ASAP1: variants seen among roughly 807,000 people sequenced by gnomAD.
The protein encoded by ASAP1 is ArfGAP with SH3 domain, ankyrin repeat and PH domain 1, also known as arf-GAP with SH3 domain, ANK repeat and PH domain-containing protein 1.
Under a neutral mutation model 145.2 loss-of-function variants are expected in ASAP1, and 43 were observed. The observed-to-expected ratio is 0.30, with a 90% confidence interval of 0.23 to 0.38. The LOEUF is 0.38. Ranked by LOEUF, ASAP1 falls within the 10% of genes least tolerant of loss-of-function variation. The pLI is 1.00. For missense variants in ASAP1, 1,018 were observed against 1,355.3 expected (o/e 0.75, Z 3.91); for synonymous variants, 546 against 515.5 (o/e 1.06, Z -0.80).
intron 1 of ASAP1, among the ~76,000 whole-genome samples, chr8:130,408,183 G>T (rs6986119): frequency 0.33 from 49,471 of 151,988 alleles, 8,819 homozygotes; most frequent in African/African-American, 0.46. Context: ...ACCCCTTATT[G>T]TTGTTTTATG....
intron 18 of ASAP1, among the ~76,000 whole-genome samples, chr8:130,123,608 A>T (rs1033426865): frequency 6.6e-6 from 1 of 152,162 alleles, no homozygotes; most frequent in Non-Finnish European, 1.5e-5. Context: ...ACAAACAAAC[A>T]AACACTGTAA....
rs949866338 is a variant in ASAP1, at chr8:130,145,933, A to G, written c.1080+6803T>C. On this transcript the variant is annotated intron_variant, in intron 13 of 29. Transcript: ENST00000518721. Reference sequence around the variant, plus strand: ...CTCGGCTCATTGCAACCTCTGCCACATGGGCTTCAGTGATCCTCCTGCCTG... The same window carrying G: ...CTCGGCTCATTGCAACCTCTGCCACGTGGGCTTCAGTGATCCTCCTGCCTG... Among the ~76,000 whole-genome samples, 3 of 149,546 alleles carry G rather than the reference A, an allele frequency of 2.0e-5. No homozygotes were observed. The East Asian group carries it at 5.9e-4, about 29-fold the overall frequency.
At chr8:130,299,276 G>A (rs1165609963) in intron 3 of ASAP1, among the ~76,000 whole-genome samples, 1 of 152,042 alleles carries the variant, frequency 6.6e-6, no homozygotes, top group East Asian at 1.9e-4. Flanking sequence ...GTGGAGCCCA[G>A]GGAAACTGAA....
At chr8:130,272,827 T>G (rs1395930655) in intron 3 of ASAP1, among the ~76,000 whole-genome samples, 1 of 152,088 alleles carries the variant, frequency 6.6e-6, no homozygotes, top group Non-Finnish European at 1.5e-5. Context: ...TGACAGATAC[T>G]AGAGACTGGG....
At chr8:130,095,956 T>C (rs1026930923) in intron 24 of ASAP1, among the ~76,000 whole-genome samples, 10 of 152,110 alleles carry the variant, frequency 6.6e-5, no homozygotes, top group African/African-American at 2.4e-4. Context: ...ATGTTTCACT[T>C]AGGTTGACTG....
chr8:130,301,734 T>G (rs1358101809), intron 3 of ASAP1, among the ~76,000 whole-genome samples: 1 of 152,218 alleles, frequency 6.6e-6, no homozygotes, highest in East Asian at 1.9e-4. Flanking sequence ...CTGTGTTGTT[T>G]TATATCATGC....
chr8:130,357,414 G>C (rs1056383144), intron 3 of ASAP1, among the ~76,000 whole-genome samples: 3 of 152,248 alleles, frequency 2.0e-5, no homozygotes, highest in Admixed American at 2.0e-4. Context: ...GGGAAGCCGG[G>C]TGGAAACCTA....
At chr8:130,323,126 C>T (rs1210979688) in intron 3 of ASAP1, among the ~76,000 whole-genome samples, 3 of 152,178 alleles carry the variant, frequency 2.0e-5, no homozygotes, top group Non-Finnish European at 4.4e-5. Flanking sequence ...TGTTCCTAAA[C>T]AAAAGCAACT....
At chr8:130,147,198 C>CAAAAAAAAAAAAAAAA (rs559149769) in intron 13 of ASAP1, among the ~76,000 whole-genome samples, 1 of 63,338 alleles carries the variant, frequency 1.6e-5, no homozygotes, top group Admixed American at 2.6e-4. Context: ...AATGCAGTCT[C>CAAAAAAAAAAAAAAAA]AAAAAAAAAA....
intron 3 of ASAP1, among the ~76,000 whole-genome samples, chr8:130,326,677 A>T (rs1177027426): frequency 1.3e-5 from 2 of 152,224 alleles, no homozygotes; most frequent in Non-Finnish European, 2.9e-5. Flanking sequence ...AATAAATGTA[A>T]ATGTTCAAGG....
At chr8:130,282,700 T>C (rs1382982135) in intron 3 of ASAP1, among the ~76,000 whole-genome samples, 1 of 152,152 alleles carries the variant, frequency 6.6e-6, no homozygotes, top group East Asian at 1.9e-4. Context: ...TTGGGGAAAA[T>C]ATATTTTTAG....
At chr8:130,342,762 A>G (rs1050869030) in intron 3 of ASAP1, among the ~76,000 whole-genome samples, 3 of 148,922 alleles carry the variant, frequency 2.0e-5, no homozygotes, top group Non-Finnish European at 3.0e-5. Context: ...GAAACAAGTT[A>G]AAGTTGCTTT....
intron 1 of ASAP1, among the ~76,000 whole-genome samples, chr8:130,411,495 TTC>T (rs1452657466): frequency 1.3e-5 from 2 of 152,196 alleles, no homozygotes; most frequent in African/African-American, 4.8e-5. Context: ...GCTCCTTCTC[TTC>T]TCTGTCTCCC....
chr8:130,160,124 G>T (rs1020850100), intron 11 of ASAP1, 160 bp from the exon 12 acceptor site: 7 of 621,792 alleles, frequency 1.1e-5, no homozygotes, highest in Non-Finnish European at 2.0e-5. Flanking sequence ...GAGGAAACAG[G>T]GCAGCTAAAC....
At chr8:130,061,145 C>G (rs1334564934) in intron 27 of ASAP1, 76 bp from the exon 28 acceptor site, 6 of 1,502,416 alleles carry the variant, frequency 4.0e-6, no homozygotes, top group Non-Finnish European at 5.3e-6. Flanking sequence ...AAAGAGGCAC[C>G]ATCATCATGA....
At chr8:130,396,934 CT>C (rs1828556734) in intron 2 of ASAP1, among the ~76,000 whole-genome samples, 1 of 152,184 alleles carries the variant, frequency 6.6e-6, no homozygotes, top group Non-Finnish European at 1.5e-5. Context: ...ATAAGGCCAA[CT>C]GATTTCTACT....
chr8:130,320,542 T>C (rs146933731), intron 3 of ASAP1, among the ~76,000 whole-genome samples: 14 of 151,416 alleles, frequency 9.2e-5, no homozygotes, highest in African/African-American at 2.9e-4. Flanking sequence ...TCAGATCTTG[T>C]CTAAAAAAAA....
intron 3 of ASAP1, among the ~76,000 whole-genome samples, chr8:130,318,967 T>C (rs1420633381): frequency 6.6e-6 from 1 of 152,248 alleles, no homozygotes; most frequent in African/African-American, 2.4e-5. Context: ...AATTAAAAGC[T>C]AGGAGTCTGC....
intron 3 of ASAP1, among the ~76,000 whole-genome samples, chr8:130,317,578 G>A (rs932457245): frequency 2.6e-5 from 4 of 152,210 alleles, no homozygotes; most frequent in African/African-American, 9.6e-5. Flanking sequence ...AAATGGAAAA[G>A]CCAAATCCAT....
Sources: allele counts gnomAD v4.1 joint callset (sites outside exome capture counted in the v4.1 genomes callset), GRCh38; gene constraint gnomAD v4.1.1; transcripts MANE v1.5; gene names NCBI Gene and HGNC (gene_info 2026-07-23, HGNC 2026-07-21).